The following SEPTIN9 variants were observed in gnomAD, a reference collection of about 807,000 sequenced individuals.
SEPTIN9 encodes septin-9.
SEPTIN9 carries 13 observed loss-of-function variants against 56.6 expected under a neutral mutation model. The observed-to-expected ratio is 0.23, with a 90% CI of 0.15 to 0.37. SEPTIN9 has a LOEUF of 0.37. Among genes scored for constraint, SEPTIN9 ranks in the 10% least tolerant of loss-of-function variants. The probability of loss-of-function intolerance (pLI) is 1.00; values close to 1 mark genes in which losing one functional copy is unlikely to be tolerated. For synonymous variants in SEPTIN9, 332 were observed against 334.1 expected, an observed-to-expected ratio of 0.99 and a Z score of 0.07; for missense variants, 650 against 823.1, an observed-to-expected ratio of 0.79 and a Z score of 2.57.
intron 2 of SEPTIN9, among the ~76,000 whole-genome samples, chr17:77,355,546 T>C (rs547956008): frequency 1.3e-5 from 2 of 152,136 alleles, no homozygotes; most frequent in South Asian, 4.2e-4. Flanking sequence ...CCCAAGTGGA[T>C]GGGGATCGTG....
intron 11 of SEPTIN9, 77 bp from the exon 12 acceptor site, chr17:77,498,446 C>T (rs1488176660): frequency 1.2e-5 from 10 of 860,390 alleles, no homozygotes; most frequent in Admixed American, 4.1e-5. Context: ...CCGAGGCAGG[C>T]CGAGCAGGGC....
At chr17:77,442,088 CAGGTAGA>C (rs1167932347) in intron 3 of SEPTIN9, 1 of 152,160 alleles carries the variant, frequency 6.6e-6, no homozygotes, top group Non-Finnish European at 1.5e-5. Flanking sequence ...CTCAAAAGAG[CAGGTAGA>C]AGGTGGGGCC....
At chr17:77,473,048 T>G (rs941651956) in intron 3 of SEPTIN9, among the ~76,000 whole-genome samples, 2 of 152,178 alleles carry the variant, frequency 1.3e-5, no homozygotes, top group African/African-American at 4.8e-5. Flanking sequence ...AAATATCCTG[T>G]TTTCAGAGCC....
Position 77,487,353 on chromosome 17 carries a change from A to C in SEPTIN9, c.914-71A>C. 24 of 1,505,306 alleles carry C rather than the reference A, an allele frequency of 1.6e-5. No homozygotes were observed. Among genetic ancestry groups the C allele is most frequent in the East Asian group, 2.5e-5 (1 of 40,638 alleles). The allele number at this position is 1,505,306 out of a possible 1,614,324, so 93.2% of individuals were successfully genotyped here. On this transcript the variant is annotated intron_variant, in intron 4 of 11. Transcript: ENST00000427177. This position sits in a 1 kb window ranked among gnomAD's most constrained non-coding sequence, Gnocchi z 4.3. ...CTGGAGAGCCTCGTGCCTGGGTGGG[A>C]GGGGCCCCATGTGCAGACCCTGCTG...
chr17:77,384,094 G>A (rs79696593), intron 2 of SEPTIN9, among the ~76,000 whole-genome samples: 3,004 of 152,282 alleles, frequency 0.02, 48 homozygotes, highest in South Asian at 0.047. Context: ...GGAAGGCGGC[G>A]GCTGCCCTGA....
chr17:77,373,592 G>T, intron 2 of SEPTIN9: 1 of 1,537,770 alleles, frequency 6.5e-7, no homozygotes. Context: ...GGACGTGCTG[G>T]AGAGGACCCT....
At chr17:77,431,109 G>A (rs1022726134) in intron 3 of SEPTIN9, among the ~76,000 whole-genome samples, 4 of 152,224 alleles carry the variant, frequency 2.6e-5, no homozygotes, top group Non-Finnish European at 2.9e-5. Flanking sequence ...GGGAGGCTGC[G>A]GTGGGAGAGT....
chr17:77,361,120 C>T (rs965899701), intron 2 of SEPTIN9, among the ~76,000 whole-genome samples: 1 of 152,066 alleles, frequency 6.6e-6, no homozygotes, highest in African/African-American at 2.4e-5. Context: ...GATGGGGTTT[C>T]ACCACATTGG....
intron 3 of SEPTIN9, among the ~76,000 whole-genome samples, chr17:77,438,636 CA>C (rs1173284079): frequency 6.6e-6 from 1 of 152,200 alleles, no homozygotes; most frequent in Non-Finnish European, 1.5e-5. Context: ...TGCAGGTGAA[CA>C]GAAAATGCAG....
intron 1 of SEPTIN9, among the ~76,000 whole-genome samples, chr17:77,296,104 C>G (rs117303530): frequency 0.16 from 3,462 of 22,152 alleles, 167 homozygotes; most frequent in Admixed American, 0.44. Flanking sequence ...CACTTGTAAA[C>G]AGAGGAAAAA....
At position 77,425,623 on chromosome 17, in the gene SEPTIN9, C is replaced by G. The variant is rs1418159648; in HGVS notation, c.721+22920C>G. Among the ~76,000 whole-genome samples, 1 of 152,210 alleles carries G rather than the reference C, an allele frequency of 6.6e-6. No individual in the cohort carries two copies. The highest frequency in any genetic ancestry group is 1.5e-5 in the Non-Finnish European group (1 of 68,010). ...ATTCACCACTCAGGACCTGGAGCCT[C>G]AGCCAGAGAGGGACCCTCCACTGCC... On this transcript the variant is annotated intron_variant, in intron 3 of 11. Transcript: ENST00000427177. This position sits in a 1 kb window ranked among gnomAD's most constrained non-coding sequence, Gnocchi z 4.2.
At chr17:77,452,394 ACT>A (rs1179345851) in intron 3 of SEPTIN9, among the ~76,000 whole-genome samples, 1 of 151,732 alleles carries the variant, frequency 6.6e-6, no homozygotes, top group Non-Finnish European at 1.5e-5. Flanking sequence ...CGTCCCAGTG[ACT>A]CTGGGGACTG....
At chr17:77,481,437 C>T (rs530321303) in intron 3 of SEPTIN9, among the ~76,000 whole-genome samples, 2 of 152,292 alleles carry the variant, frequency 1.3e-5, no homozygotes, top group South Asian at 2.1e-4. Context: ...AACAGCTCTG[C>T]ATCCAGGCAC....
intron 3 of SEPTIN9, among the ~76,000 whole-genome samples, chr17:77,420,056 C>T (rs1375695600): frequency 6.6e-6 from 1 of 152,182 alleles, no homozygotes; most frequent in African/African-American, 2.4e-5. Context: ...GTCCCTCCCC[C>T]AGGTGCCTGG....
At chr17:77,338,196 C>CA (rs899487998) in intron 2 of SEPTIN9, among the ~76,000 whole-genome samples, 48 of 140,874 alleles carry the variant, frequency 3.4e-4, no homozygotes, top group South Asian at 9.0e-4. Context: ...GACTCCATCT[C>CA]AAAAAAAAAA....
chr17:77,450,227 C>G lies in SEPTIN9; in HGVS notation c.722-31917C>G, dbSNP rs1029393571. On this transcript the variant is annotated intron_variant, in intron 3 of 11. Coordinates refer to ENST00000427177, the MANE Select transcript of SEPTIN9 (RefSeq NM_001113491.2). The surrounding 1 kb of genome is among the most constrained non-coding windows in gnomAD (Gnocchi z 6.0). ...CTGGCTGGGGAGCCGCTGGACGTGG[C>G]TGGCCTGTTTGGCCAGTGTGGCGGG... Among the ~76,000 whole-genome samples the G allele has an allele frequency of 5.3e-5, 8 of 152,178 alleles. No homozygotes were observed. In the East Asian group the frequency reaches 1.2e-3, roughly 22 times the overall value.
Position 77,498,694 on chromosome 17 carries a change from A to C in SEPTIN9, c.*36A>C. The stretch of plus-strand genomic sequence containing the variant: ...GCCCACCCCCGGGATCCTGCCCCCA[A>C]GTCATTTCCGTCCCCCCCCAGGCCC... On this transcript the variant is annotated 3_prime_UTR_variant, in exon 12 of 12. Transcript: ENST00000427177. 7.6e-7 allele frequency: 1 copy of C among 1,313,312 alleles called. No homozygotes were observed. Among genetic ancestry groups the C allele is most frequent in the Admixed American group, 2.4e-5 (1 of 41,190 alleles). 81.4% of individuals were successfully genotyped at this position (1,313,312 alleles called of 1,614,324 possible).
intron 2 of SEPTIN9, among the ~76,000 whole-genome samples, chr17:77,399,808 G>A (rs920512422): frequency 1.3e-5 from 2 of 152,056 alleles, no homozygotes; most frequent in African/African-American, 4.8e-5. Flanking sequence ...GCAGGGTGCA[G>A]AGGGACAGAG....
At position 77,474,497 on chromosome 17, in the gene SEPTIN9, TCTC is replaced by T. The variant is rs890915865; in HGVS notation, c.722-7644_722-7642del. Among the ~76,000 whole-genome samples, 73 of 152,202 alleles carry T rather than the reference TCTC, an allele frequency of 4.8e-4. 1 individual carries two copies. Among genetic ancestry groups the T allele is most frequent in the Admixed American group, 2.0e-4 (3 of 15,288 alleles). On this transcript the variant is annotated intron_variant, in intron 3 of 11. Transcript: ENST00000427177. ...TTTCCCTGGCTGGCGGGTAGAATCT[TCTC>T]CTGGCAGTTCAGGGCTCTGCCTCCA...
Sources: gnomAD v4.1 joint callset for allele counts (sites outside exome capture counted in the v4.1 genomes callset) on GRCh38, gnomAD v4.1.1 for gene constraint, Gnocchi (gnomAD v3.1) non-coding constraint, MANE v1.5 for transcripts, NCBI Gene and HGNC (gene_info 2026-07-23, HGNC 2026-07-21) for gene names.